The following NUMB variants were observed in gnomAD, a reference collection of about 807,000 sequenced individuals.
NUMB encodes the protein NUMB endocytic adaptor protein, also known as protein numb homolog.
Under a neutral mutation model 59.7 loss-of-function variants are expected in NUMB, and 29 were observed. The ratio of observed to expected loss-of-function variants is 0.49; its 90% CI spans 0.36 to 0.66. The LOEUF (loss-of-function observed/expected upper bound fraction) is 0.66. Ranked by LOEUF, NUMB falls within the 30% of genes least tolerant of loss-of-function variation. The pLI, the probability that NUMB is intolerant of heterozygous loss-of-function variation, is 0.00. For synonymous variants in NUMB, 288 were observed against 288.2 expected, an observed-to-expected ratio of 1.00 and a Z score of 0.01; for missense variants, 723 against 822.0, an observed-to-expected ratio of 0.88 and a Z score of 1.47.
intron 9 of NUMB, chr14:73,286,486 C>T (rs150498763): frequency 1.0e-3 from 160 of 152,940 alleles, no homozygotes; most frequent in Non-Finnish European, 1.9e-3. Flanking sequence ...TATAGACTGC[C>T]AACTAACTTG....
intron 9 of NUMB, 113 bp downstream of exon 9, chr14:73,286,997 T>C (rs746079363): frequency 9.8e-7 from 1 of 1,022,280 alleles, no homozygotes; most frequent in Non-Finnish European, 1.5e-6. Flanking sequence ...TAAGGTTTTA[T>C]ATTGCTAAGG....
At chr14:73,320,706 G>C (rs917848371) in intron 5 of NUMB, among the ~76,000 whole-genome samples, 1 of 152,074 alleles carries the variant, frequency 6.6e-6, no homozygotes, top group Admixed American at 6.6e-5. Context: ...CATTCTAGAA[G>C]TATTTTTTGA....
At chr14:73,394,824 T>C (rs2140104612) in intron 2 of NUMB, among the ~76,000 whole-genome samples, 1 of 152,302 alleles carries the variant, frequency 6.6e-6, no homozygotes, top group East Asian at 1.9e-4. Context: ...ATTTCTTCAT[T>C]TGAAACAAAA....
intron 4 of NUMB, among the ~76,000 whole-genome samples, chr14:73,334,041 G>GT (rs1262780198): frequency 6.7e-6 from 1 of 148,680 alleles, no homozygotes; most frequent in Non-Finnish European, 1.5e-5. Context: ...ATTTTTGGGG[G>GT]TTTTTTGTGT....
chr14:73,319,663 A>G (rs1317890390), intron 5 of NUMB, among the ~76,000 whole-genome samples: 1 of 152,180 alleles, frequency 6.6e-6, no homozygotes, highest in Non-Finnish European at 1.5e-5. Flanking sequence ...TGATTTTTAG[A>G]TGAATGTTTG....
At chr14:73,286,990 G>A (rs771105015) in intron 9 of NUMB, 120 bp downstream of exon 9, 3 of 950,050 alleles carry the variant, frequency 3.2e-6, no homozygotes, top group Admixed American at 3.9e-5. Context: ...TTTGTTATAA[G>A]GTTTTATATT....
At chr14:73,441,376 C>A (rs1370492349) in intron 1 of NUMB, among the ~76,000 whole-genome samples, 1 of 151,966 alleles carries the variant, frequency 6.6e-6, no homozygotes, top group Non-Finnish European at 1.5e-5. Flanking sequence ...AGTGAAACCC[C>A]GTCTCTACTA....
intron 1 of NUMB, among the ~76,000 whole-genome samples, chr14:73,435,670 T>A (rs1898024860): frequency 6.6e-6 from 1 of 152,074 alleles, no homozygotes; most frequent in Non-Finnish European, 1.5e-5. Context: ...CAACAATACT[T>A]GCAAAGCAGT....
At chr14:73,415,756 C>T (rs1897103717) in intron 1 of NUMB, among the ~76,000 whole-genome samples, 1 of 152,106 alleles carries the variant, frequency 6.6e-6, no homozygotes, top group Non-Finnish European at 1.5e-5. Context: ...TGTGAGCCAC[C>T]ACGTCCGGCC....
intron 1 of NUMB, among the ~76,000 whole-genome samples, chr14:73,455,632 A>G (rs1884310484): frequency 2.0e-5 from 3 of 152,240 alleles, no homozygotes; most frequent in African/African-American, 4.8e-5. Context: ...TAGAAACTGT[A>G]TATCTAGTTC....
chr14:73,308,008 C>T (rs1022611702), intron 6 of NUMB, among the ~76,000 whole-genome samples: 4 of 152,136 alleles, frequency 2.6e-5, no homozygotes, highest in African/African-American at 9.7e-5. Context: ...GCTGGGATTA[C>T]AGGCGTGAGC....
At chr14:73,389,468 GCGTGCCA>G (rs2140095873) in intron 2 of NUMB, among the ~76,000 whole-genome samples, 1 of 151,730 alleles carries the variant, frequency 6.6e-6, no homozygotes, top group Admixed American at 6.6e-5. Flanking sequence ...GACTACAGGT[GCGTGCCA>G]CCACACCCGG....
intron 1 of NUMB, among the ~76,000 whole-genome samples, chr14:73,411,617 T>G (rs1896897873): frequency 6.6e-6 from 1 of 152,228 alleles, no homozygotes; most frequent in Admixed American, 6.5e-5. Flanking sequence ...CTAAGTTTGC[T>G]CCACTTTATA....
chr14:73,449,955 T>C (rs1883809917), intron 1 of NUMB, among the ~76,000 whole-genome samples: 1 of 152,232 alleles, frequency 6.6e-6, no homozygotes, highest in Admixed American at 6.5e-5. Context: ...CCCAAAGTGC[T>C]GGGATTACAG....
intron 4 of NUMB, among the ~76,000 whole-genome samples, chr14:73,333,192 T>C (rs1168383354): frequency 6.6e-6 from 1 of 152,130 alleles, no homozygotes; most frequent in East Asian, 1.9e-4. Flanking sequence ...CACTTTACAT[T>C]CCCACCAGCA....
At position 73,277,057 on chromosome 14, in the gene NUMB, C is replaced by T; in HGVS notation, c.1477G>A (p.Val493Met). The change falls in exon 13 of 13, where the codon GTG (valine) becomes ATG (methionine). Residue 493 changes from valine (V) to methionine (M), a missense_variant. Val to Met is a conservative substitution (Grantham distance 21). Transcript: ENST00000555238. ...AGGGCTGGGACCACACCCACTGGCA[C>T]AGGCTGAGAGGTGAGGAATGCATTC... ...QGNAFLTSQP[V>M]PVGVVPALQP... The T allele has an allele frequency of 6.2e-7, 1 of 1,614,102 alleles. No homozygotes were observed. The highest frequency in any genetic ancestry group is 1.3e-5 in the African/African-American group (1 of 75,036).
intron 6 of NUMB, among the ~76,000 whole-genome samples, chr14:73,305,108 G>GT (rs567139404): frequency 6.8e-4 from 104 of 152,198 alleles, no homozygotes; most frequent in African/African-American, 2.2e-3. Context: ...ATTAGCAACC[G>GT]TTTTTTGTGA....
At chr14:73,446,350 G>T (rs1322514215) in intron 1 of NUMB, among the ~76,000 whole-genome samples, 1 of 152,076 alleles carries the variant, frequency 6.6e-6, no homozygotes, top group Non-Finnish European at 1.5e-5. Context: ...GCTCACGCCT[G>T]TAATCCCAGC....
At chr14:73,414,911 A>G (rs546158323) in intron 1 of NUMB, among the ~76,000 whole-genome samples, 22 of 152,200 alleles carry the variant, frequency 1.4e-4, no homozygotes, top group African/African-American at 5.3e-4. Context: ...TAGTAGAGAC[A>G]GGGTTTCACC....
Sources: allele counts gnomAD v4.1 joint callset (sites outside exome capture counted in the v4.1 genomes callset), GRCh38; gene constraint gnomAD v4.1.1; transcripts MANE v1.5; gene names NCBI Gene and HGNC (gene_info 2026-07-23, HGNC 2026-07-21).